Variants in OTULINL observed in about 807,000 individuals in gnomAD.
The protein encoded by OTULINL is OTU deubiquitinase with linear linkage specificity like, also known as inactive ubiquitin thioesterase OTULINL.
In OTULINL, 42 loss-of-function variants were observed where a neutral mutation model predicts 43.9. The ratio of observed to expected loss-of-function variants is 0.96; its 90% confidence interval spans 0.75 to 1.24. The LOEUF is 1.24. OTULINL is among the 50% of genes most tolerant of loss of function. OTULINL has a pLI of 0.00. For synonymous variants in OTULINL, 172 were observed against 153.6 expected, an observed-to-expected ratio of 1.12 and a Z score of -0.88; for missense variants, 411 against 426.4, an observed-to-expected ratio of 0.96 and a Z score of 0.32.
Position 14,611,878 on chromosome 5 carries a change from CA to C in OTULINL, c.*1566del, listed in dbSNP as rs1262532650. 2 of 152,126 alleles carry C rather than the reference CA, an allele frequency of 1.3e-5. No individual in the cohort carries two copies. Among genetic ancestry groups the C allele is most frequent in the East Asian group, 3.8e-4 (2 of 5,200 alleles). 9.4% of individuals were successfully genotyped at this position (152,126 alleles called of 1,614,324 possible). On this transcript the variant is annotated 3_prime_UTR_variant, in exon 8 of 8. Coordinates refer to ENST00000274217, the MANE Select transcript of OTULINL (RefSeq NM_019018.3). ...TTCCCAGATGTTCATATTATTTCTG[CA>C]ATAAATTAAAAGGGAGTGTGTCAAA... is the stretch of plus-strand genomic sequence containing the variant.
At chr5:14,610,039 C>A (rs1335561424) in intron 7 of OTULINL, 102 bp from the exon 8 acceptor site, 4 of 998,078 alleles carry the variant, frequency 4.0e-6, no homozygotes, top group Non-Finnish European at 6.1e-6. Context: ...TGTCAACAAG[C>A]AGATTATTTC....
At chr5:14,602,079 G>T in intron 4 of OTULINL, 104 bp from the exon 5 acceptor site, 3 of 791,000 alleles carry the variant, frequency 3.8e-6, no homozygotes, top group Non-Finnish European at 5.7e-6. Flanking sequence ...TGTTTCTGTT[G>T]TCCACTTTAG....
chr5:14,606,723 A>G (rs951595656), intron 5 of OTULINL, among the ~76,000 whole-genome samples: 4 of 152,204 alleles, frequency 2.6e-5, no homozygotes, highest in African/African-American at 7.2e-5. Flanking sequence ...CTGCCCTAAC[A>G]TCATTTGGTT....
chr5:14,613,931 C>G lies in OTULINL; in HGVS notation c.*3617C>G, dbSNP rs1759625274. ...ATGAGTTTCTCCTATTTTAGTGAGA[C>G]CAAAGAAAGACAATTTTAATTGTGT... On this transcript the variant is annotated 3_prime_UTR_variant, in exon 8 of 8. Coordinates refer to ENST00000274217, the MANE Select transcript of OTULINL (RefSeq NM_019018.3). Among the ~76,000 whole-genome samples, 2 of 152,136 alleles carry G rather than the reference C, an allele frequency of 1.3e-5. No individual in the cohort carries two copies. Among genetic ancestry groups the G allele is most frequent in the Admixed American group, 6.5e-5 (1 of 15,284 alleles).
At chr5:14,610,041 G>A in intron 7 of OTULINL, 100 bp from the exon 8 acceptor site, 1 of 1,040,500 alleles carries the variant, frequency 9.6e-7, no homozygotes, top group Non-Finnish European at 1.4e-6. Flanking sequence ...TCAACAAGCA[G>A]ATTATTTCAT....
At chr5:14,609,948 T>C (rs1759549664) in intron 7 of OTULINL, among the ~76,000 whole-genome samples, 193 bp from the exon 8 acceptor site, 1 of 152,190 alleles carries the variant, frequency 6.6e-6, no homozygotes, top group South Asian at 2.1e-4. Context: ...TACAGAGTTG[T>C]TCCTATGCTC....
At chr5:14,584,389 G>T (rs934857754) in intron 1 of OTULINL, among the ~76,000 whole-genome samples, 2 of 152,138 alleles carry the variant, frequency 1.3e-5, no homozygotes, top group Non-Finnish European at 2.9e-5. Context: ...GTGGAACGGC[G>T]CACCCACTCC....
chr5:14,604,442 A>G (rs1027660616), intron 5 of OTULINL, among the ~76,000 whole-genome samples: 1 of 152,206 alleles, frequency 6.6e-6, no homozygotes, highest in Non-Finnish European at 1.5e-5. Flanking sequence ...TCACATTTCA[A>G]AACCAATCAT....
chr5:14,581,893 G>A lies in OTULINL; in HGVS notation c.-2G>A, dbSNP rs1230978625. On this transcript the variant is annotated 5_prime_UTR_variant, in exon 1 of 8. Transcript: ENST00000274217. ...CCAGCGCCCGTCCGCAGCGCGGCCG[G>A]CATGGCGGCGACAAGGAGCCCCACG... The A allele has an allele frequency of 4.3e-6, 6 of 1,411,620 alleles. No homozygotes were observed. The highest frequency in any genetic ancestry group is 3.7e-6 in the Non-Finnish European group (4 of 1,082,846). 87.4% of individuals were successfully genotyped at this position (1,411,620 alleles called of 1,614,324 possible).
rs2126765441 is a variant in OTULINL at position 14,581,850 on chromosome 5, C to T, written c.-45C>T. 1 of 1,372,552 alleles carries T rather than the reference C, an allele frequency of 7.3e-7. No homozygotes were observed. The highest frequency in any genetic ancestry group is 9.4e-7 in the Non-Finnish European group (1 of 1,062,998). 85.0% of individuals were successfully genotyped at this position (1,372,552 alleles called of 1,614,324 possible). A position where few individuals can be genotyped will look rare whatever the true frequency, so the allele number is the denominator to read the frequency against. The stretch of plus-strand genomic sequence containing the variant: ...GGCCGTCGCGTCTGACAGACCACTG[C>T]AGACCACGGGCCGAGGCCCAGCGCC... On this transcript the variant is annotated 5_prime_UTR_variant, in exon 1 of 8. Transcript: ENST00000274217.
At chr5:14,595,704 C>T (rs1351058907) in intron 1 of OTULINL, among the ~76,000 whole-genome samples, 2 of 108,514 alleles carry the variant, frequency 1.8e-5, no homozygotes, top group South Asian at 3.2e-4. Flanking sequence ...TGCCATATAT[C>T]GTTTGAGTGA....
chr5:14,591,490 G>A (rs1011707575), intron 1 of OTULINL, among the ~76,000 whole-genome samples: 3 of 152,070 alleles, frequency 2.0e-5, no homozygotes, highest in African/African-American at 7.2e-5. Context: ...GGGGTGAAAG[G>A]GGCTGAGCTG....
chr5:14,608,849 A>G lies in OTULINL; in HGVS notation c.729A>G (p.Leu243=). ...TGGAATATAAACTTTATGAAGCTTT[A>G]AAGTTCATCATGCTGTATCAAGTCA... ...AILEYKLYEA[L]KFIMLYQVTE... The change falls in exon 7 of 8, where the codon TTA becomes TTG. Residue 243 remains leucine, a synonymous_variant. Coordinates refer to ENST00000274217, the MANE Select transcript of OTULINL (RefSeq NM_019018.3). The G allele has an allele frequency of 6.2e-7, 1 of 1,614,140 alleles. No homozygotes were observed. Among genetic ancestry groups the G allele is most frequent in the South Asian group, 1.1e-5 (1 of 91,088 alleles).
At chr5:14,588,554 C>T (rs1050026550) in intron 1 of OTULINL, among the ~76,000 whole-genome samples, 5 of 152,194 alleles carry the variant, frequency 3.3e-5, no homozygotes, top group African/African-American at 1.2e-4. Flanking sequence ...AGGATAGAGG[C>T]TCTTAGTTAG....
chr5:14,603,291 C>T (rs1759419636), intron 5 of OTULINL, among the ~76,000 whole-genome samples: 1 of 152,190 alleles, frequency 6.6e-6, no homozygotes, highest in African/African-American at 2.4e-5. Context: ...TAAATAGTCT[C>T]ATACAGGATG....
At chr5:14,605,781 T>A (rs529255988) in intron 5 of OTULINL, among the ~76,000 whole-genome samples, 1 of 152,310 alleles carries the variant, frequency 6.6e-6, no homozygotes, top group South Asian at 2.1e-4. Context: ...AAGAGTCATC[T>A]TTGCTCCAGT....
At chr5:14,587,499 G>T (rs562460273) in intron 1 of OTULINL, among the ~76,000 whole-genome samples, 27 of 152,326 alleles carry the variant, frequency 1.8e-4, no homozygotes, top group Non-Finnish European at 3.5e-4. Context: ...TTGGAGTTTG[G>T]TTTGTAGCTA....
At chr5:14,595,486 T>G (rs1020121898) in intron 1 of OTULINL, among the ~76,000 whole-genome samples, 2 of 152,132 alleles carry the variant, frequency 1.3e-5, no homozygotes, top group Non-Finnish European at 2.9e-5. Flanking sequence ...GGTTTCCGGC[T>G]CTTCAGTGTC....
At chr5:14,587,652 C>T (rs1056727880) in intron 1 of OTULINL, among the ~76,000 whole-genome samples, 3 of 152,124 alleles carry the variant, frequency 2.0e-5, no homozygotes, top group African/African-American at 7.2e-5. Context: ...AAGAAAAATC[C>T]CTTGAATCAA....
Sources: allele counts gnomAD v4.1 joint callset (sites outside exome capture counted in the v4.1 genomes callset), GRCh38; gene constraint gnomAD v4.1.1; transcripts MANE v1.5; gene names NCBI Gene and HGNC (gene_info 2026-07-23, HGNC 2026-07-21).